Variants in THSD7B observed in about 807,000 individuals in gnomAD.
THSD7B encodes thrombospondin type 1 domain containing 7B, also known as thrombospondin type-1 domain-containing protein 7B.
In THSD7B, 138 loss-of-function variants were observed where a neutral mutation model predicts 213.6. That is an observed-to-expected ratio of 0.65 (90% CI 0.56 to 0.74). The LOEUF (loss-of-function observed/expected upper bound fraction) is 0.74, where lower values mean the gene tolerates loss of function less well. THSD7B is among the 30% of genes least tolerant of loss of function. The pLI is 0.00. For missense variants in THSD7B, 1,931 were observed against 1,991.5 expected (o/e 0.97, Z 0.58); for synonymous variants, 742 against 687.0 (o/e 1.08, Z -1.25).
chr2:137,260,430 A>G (rs1287944391), intron 10 of THSD7B, among the ~76,000 whole-genome samples: 1 of 152,154 alleles, frequency 6.6e-6, no homozygotes, highest in East Asian at 1.9e-4. Flanking sequence ...GGCATATGTG[A>G]ACTCTGGGTT....
chr2:136,864,840 C>A (rs769743758), intron 1 of THSD7B, among the ~76,000 whole-genome samples: 6 of 152,240 alleles, frequency 3.9e-5, no homozygotes, highest in Non-Finnish European at 8.8e-5. Context: ...GCGTGAGCCA[C>A]CGTGCCTGGC....
intron 12 of THSD7B, among the ~76,000 whole-genome samples, chr2:137,331,871 C>CG (rs1191826351): frequency 5.9e-5 from 9 of 152,126 alleles, no homozygotes; most frequent in African/African-American, 2.2e-4. Flanking sequence ...CCTCATTGCC[C>CG]GGGGCCGGCG....
intron 12 of THSD7B, among the ~76,000 whole-genome samples, chr2:137,378,315 T>A (rs527296589): frequency 6.6e-6 from 1 of 152,174 alleles, no homozygotes. Flanking sequence ...AAAGAGGCAA[T>A]CTAAAAGGAA....
intron 4 of THSD7B, among the ~76,000 whole-genome samples, chr2:137,101,584 TGGTCTAGCTC>T: frequency 6.6e-6 from 1 of 152,056 alleles, no homozygotes; most frequent in Non-Finnish European, 1.5e-5. Flanking sequence ...GGGAGCCAAG[TGGTCTAGCTC>T]AGCGGATCCC....
At chr2:137,029,228 G>A (rs761843149) in intron 2 of THSD7B, among the ~76,000 whole-genome samples, 4 of 151,832 alleles carry the variant, frequency 2.6e-5, no homozygotes, top group Non-Finnish European at 5.9e-5. Flanking sequence ...ACAGGCACCT[G>A]CCAACATGCC....
At chr2:137,435,754 G>A (rs1408540986) in intron 14 of THSD7B, among the ~76,000 whole-genome samples, 1 of 152,158 alleles carries the variant, frequency 6.6e-6, no homozygotes, top group African/African-American at 2.4e-5. Context: ...TACACAGGGA[G>A]CTAAGGAAGC....
chr2:137,622,406 G>T (rs779945856), intron 20 of THSD7B, among the ~76,000 whole-genome samples: 1 of 152,056 alleles, frequency 6.6e-6, no homozygotes, highest in Non-Finnish European at 1.5e-5. Context: ...TACAGTGGTG[G>T]TATAGACATT....
At chr2:137,231,017 C>A in intron 7 of THSD7B, 27 bp from the exon 8 acceptor site, 1 of 1,602,524 alleles carries the variant, frequency 6.2e-7, no homozygotes. Flanking sequence ...CATTAATCAC[C>A]AACTGTCTTG....
chr2:137,458,427 C>T (rs1470601347), intron 15 of THSD7B, among the ~76,000 whole-genome samples: 2 of 152,142 alleles, frequency 1.3e-5, no homozygotes, highest in African/African-American at 2.4e-5. Flanking sequence ...CAGGATAGTA[C>T]TGATAAAGCC....
At chr2:137,299,538 A>T (rs942812750) in intron 12 of THSD7B, among the ~76,000 whole-genome samples, 1 of 152,046 alleles carries the variant, frequency 6.6e-6, no homozygotes, top group Non-Finnish European at 1.5e-5. Context: ...TTCAACTTGA[A>T]TTTTATTTCC....
chr2:136,908,526 C>T (rs528049425), intron 2 of THSD7B, among the ~76,000 whole-genome samples: 1 of 152,312 alleles, frequency 6.6e-6, no homozygotes, highest in African/African-American at 2.4e-5. Context: ...TTTGATATGA[C>T]TGAAATCCAT....
At chr2:137,570,393 C>G (rs556827226) in intron 16 of THSD7B, among the ~76,000 whole-genome samples, 1 of 152,082 alleles carries the variant, frequency 6.6e-6, no homozygotes, top group Non-Finnish European at 1.5e-5. Context: ...ACTGCAAACT[C>G]AGCCTCCCGG....
intron 12 of THSD7B, among the ~76,000 whole-genome samples, chr2:137,328,109 C>T (rs574531353): frequency 3.3e-5 from 5 of 152,208 alleles, no homozygotes; most frequent in Admixed American, 2.0e-4. Context: ...GACATAGCTG[C>T]GTGAAATTTG....
At chr2:137,189,256 G>C (rs963387731) in intron 7 of THSD7B, among the ~76,000 whole-genome samples, 10 of 152,116 alleles carry the variant, frequency 6.6e-5, no homozygotes, top group African/African-American at 2.4e-4. Context: ...GTAAATTCTT[G>C]TCAGAAAACT....
chr2:137,052,050 A>G (rs765232511), intron 2 of THSD7B, among the ~76,000 whole-genome samples: 4 of 152,218 alleles, frequency 2.6e-5, no homozygotes, highest in Non-Finnish European at 4.4e-5. Flanking sequence ...CATTTCCTGC[A>G]AAAACACAGG....
At chr2:137,025,705 T>C (rs1160543017) in intron 2 of THSD7B, among the ~76,000 whole-genome samples, 5 of 152,198 alleles carry the variant, frequency 3.3e-5, no homozygotes, top group African/African-American at 4.8e-5. Flanking sequence ...TCTTAAAATA[T>C]TTAGCTCAGG....
At chr2:136,898,580 C>CCCCT (rs1292226148) in intron 2 of THSD7B, among the ~76,000 whole-genome samples, 1 of 53,920 alleles carries the variant, frequency 1.9e-5, no homozygotes, top group African/African-American at 4.8e-5. Context: ...TGTCCCCCCG[C>CCCCT]CCCCCCGCCA....
At chr2:136,829,832 T>C (rs1332046085) in intron 1 of THSD7B, among the ~76,000 whole-genome samples, 1 of 152,236 alleles carries the variant, frequency 6.6e-6, no homozygotes, top group African/African-American at 2.4e-5. Flanking sequence ...ATACATTCCA[T>C]CTATTTTCCT....
chr2:137,249,798 A>G (rs1682128788), intron 10 of THSD7B, among the ~76,000 whole-genome samples: 1 of 152,232 alleles, frequency 6.6e-6, no homozygotes, highest in South Asian at 2.1e-4. Context: ...GCTACTTGCT[A>G]CATCCATAGG....
Sources: gnomAD v4.1 joint callset for allele counts (sites outside exome capture counted in the v4.1 genomes callset) on GRCh38, gnomAD v4.1.1 for gene constraint, MANE v1.5 for transcripts, NCBI Gene and HGNC (gene_info 2026-07-23, HGNC 2026-07-21) for gene names.